RNF145: variants seen among roughly 807,000 people sequenced by gnomAD.
The protein encoded by RNF145 is ring finger protein 145.
Under a neutral mutation model 57.3 loss-of-function variants are expected in RNF145, and 12 were observed. The observed-to-expected ratio is 0.21, with a 90% CI of 0.13 to 0.34. The LOEUF (loss-of-function observed/expected upper bound fraction) is 0.34. Ranked by LOEUF, RNF145 falls within the 10% of genes least tolerant of loss-of-function variation. The pLI is 1.00. For missense variants in RNF145, 429 were observed against 799.0 expected (o/e 0.54, Z 5.58); for synonymous variants, 262 against 288.3 (o/e 0.91, Z 0.92).
intron 4 of RNF145, 118 bp downstream of exon 4, chr5:159,181,842 G>C: frequency 1.6e-6 from 1 of 611,298 alleles, no homozygotes; most frequent in East Asian, 2.7e-5. Context: ...TGTGGGAAAA[G>C]TCCCCATGAA....
At position 159,192,978 on chromosome 5, in the gene RNF145, C is replaced by A. The variant is rs182630732; in HGVS notation, c.293+1738G>T. On this transcript the variant is annotated intron_variant, in intron 3 of 10. Coordinates refer to ENST00000424310, the MANE Select transcript of RNF145 (RefSeq NM_001199383.2). ...AAAGTGTCTCCATCCTCAGCCTGAG[C>A]TGAGACTCAGAGGTATCGGGGTAAG... Among the ~76,000 whole-genome samples the A allele has an allele frequency of 1.6e-3, 244 of 152,300 alleles. 2 individuals are homozygous for A. Among genetic ancestry groups the A allele is most frequent in the South Asian group, 2.1e-4 (1 of 4,828 alleles).
chr5:159,182,339 A>C (rs1470551944), intron 3 of RNF145, among the ~76,000 whole-genome samples: 2 of 152,022 alleles, frequency 1.3e-5, no homozygotes, highest in African/African-American at 4.8e-5. Context: ...CCCAGTAAAA[A>C]CCCAATTGAG....
chr5:159,209,362 G>A lies in RNF145; in HGVS notation c.-171C>T, dbSNP rs1786023456. 13 of 985,898 alleles carry A rather than the reference G, an allele frequency of 1.3e-5. No individual in the cohort carries two copies. Among genetic ancestry groups the A allele is most frequent in the Non-Finnish European group, 1.6e-5 (13 of 829,978 alleles). The allele number at this position is 985,898 out of a possible 1,614,324, so 61.1% of individuals were successfully genotyped here. The stretch of plus-strand genomic sequence containing the variant: ...GGCCGGTACGGCACGGCTCACAGCG[G>A]CGGCTCTTCTGCGCCGAGCCTCGGA... On this transcript the variant is annotated 5_prime_UTR_variant, in exon 1 of 11. Coordinates refer to ENST00000424310, the MANE Select transcript of RNF145 (RefSeq NM_001199383.2).
intron 1 of RNF145, among the ~76,000 whole-genome samples, chr5:159,204,387 G>C (rs1333339759): frequency 2.8e-5 from 3 of 105,850 alleles, no homozygotes; most frequent in South Asian, 3.3e-4. Context: ...GATAAGTAGT[G>C]GGGGGGGGCA....
intron 3 of RNF145, among the ~76,000 whole-genome samples, chr5:159,186,129 G>A (rs1468109980): frequency 6.6e-6 from 1 of 152,110 alleles, no homozygotes; most frequent in African/African-American, 2.4e-5. Flanking sequence ...GGAGGCTGAG[G>A]CGGGAGAATT....
chr5:159,181,862 A>G (rs1193841041), intron 4 of RNF145, 98 bp downstream of exon 4: 3 of 706,774 alleles, frequency 4.2e-6, no homozygotes, highest in Non-Finnish European at 7.4e-6. Flanking sequence ...ATCACTTTTG[A>G]GAATTCCGTT....
rs59997682 is a variant in RNF145, at chr5:159,161,625, GAAAAAA to G, written c.1270-9_1270-4del. Reference sequence around the variant, plus strand: ...TAAATAAAAAGTGTTCCCAGAACCTGAAAAAAAAAAAAAAATGTACGTATCTTGAAA... The same window carrying G: ...TAAATAAAAAGTGTTCCCAGAACCTGAAAAAAAAATGTACGTATCTTGAAA... On this transcript the variant is annotated splice_polypyrimidine_tract_variant and splice_region_variant and intron_variant, in intron 9 of 10. Coordinates refer to ENST00000424310, the MANE Select transcript of RNF145 (RefSeq NM_001199383.2). 1,316 of 1,307,536 alleles carry G rather than the reference GAAAAAA, an allele frequency of 1.0e-3. 3 individuals carry two copies. Among genetic ancestry groups the G allele is most frequent in the African/African-American group, 5.6e-3 (375 of 66,994 alleles). 81.0% of individuals were successfully genotyped at this position (1,307,536 alleles called of 1,614,324 possible). A position where few individuals can be genotyped will look rare whatever the true frequency, so the allele number is the denominator to read the frequency against.
intron 1 of RNF145, 105 bp from the exon 2 acceptor site, chr5:159,203,761 T>C: frequency 1.5e-6 from 1 of 676,178 alleles, no homozygotes; most frequent in African/African-American, 1.8e-5. Context: ...TACAAAACTA[T>C]GTGAGAACGT....
At chr5:159,207,866 A>G (rs539743345) in intron 1 of RNF145, 3 of 1,614,162 alleles carry the variant, frequency 1.9e-6, no homozygotes, top group African/African-American at 2.7e-5. Flanking sequence ...TAAGGAACAG[A>G]GAGAGGAAAT....
chr5:159,191,410 A>T lies in RNF145; in HGVS notation c.293+3306T>A, dbSNP rs909690830. On this transcript the variant is annotated intron_variant, in intron 3 of 10. Coordinates refer to ENST00000424310, the MANE Select transcript of RNF145 (RefSeq NM_001199383.2). ...GCCTACTTCCTTTTTTTCATCTGTA[A>T]ATCCCAAAGGAACATAAAAAAAATC... Among the ~76,000 whole-genome samples, 7 of 152,118 alleles carry T rather than the reference A, an allele frequency of 4.6e-5. 1 individual carries two copies. Among genetic ancestry groups the T allele is most frequent in the Admixed American group, 2.6e-4 (4 of 15,272 alleles).
rs763391123 is a variant in RNF145, at chr5:159,161,430, T to A, written c.1462A>T (p.Met488Leu). ...TAGTAGGAATGAATGAAGATGATCATTGAGCCCATCACTGTCCATTCTCCA... is the reference window on the plus strand; with the variant it reads ...TAGTAGGAATGAATGAAGATGATCAATGAGCCCATCACTGTCCATTCTCCA... ...IFGEWTVMGS[M>L]IIFIHSYYNV... The change falls in exon 10 of 11, where the codon ATG becomes TTG. Residue 488 changes from methionine (M) to leucine (L), a missense_variant. This residue lies in a region of RNF145 where 216 missense variants were observed against 457.6 expected (regional missense o/e 0.47). Transcript: ENST00000424310. 3 of 1,614,086 alleles carry A rather than the reference T, an allele frequency of 1.9e-6. No homozygotes were observed. The highest frequency in any genetic ancestry group is 2.5e-6 in the Non-Finnish European group (3 of 1,180,032).
chr5:159,178,607 A>T (rs1198997045), intron 4 of RNF145, among the ~76,000 whole-genome samples: 1 of 152,044 alleles, frequency 6.6e-6, no homozygotes, highest in Non-Finnish European at 1.5e-5. Context: ...CTATCCATAT[A>T]CATGTTGAAT....
At position 159,209,513 on chromosome 5, in the gene RNF145, A is replaced by G. The variant is rs1287871176; in HGVS notation, c.-322T>C. 5 of 88,800 alleles carry G rather than the reference A, an allele frequency of 5.6e-5. No homozygotes were observed. Among genetic ancestry groups the G allele is most frequent in the South Asian group, 4.7e-4 (1 of 2,144 alleles). The allele number at this position is 88,800 out of a possible 1,614,324, so 5.5% of individuals were successfully genotyped here. On this transcript the variant is annotated 5_prime_UTR_variant, in exon 1 of 11. An upstream start codon of the reference 5' UTR is lost. Transcript: ENST00000424310. ...GCAGCCGGCGCCGGCGTCGGCGGCCATGGCCTCCTGCGTTTGCTCCTCCCG... is the reference window on the plus strand; with the variant it reads ...GCAGCCGGCGCCGGCGTCGGCGGCCGTGGCCTCCTGCGTTTGCTCCTCCCG...
chr5:159,161,133 TTC>T, intron 10 of RNF145, 131 bp downstream of exon 10: 1 of 596,466 alleles, frequency 1.7e-6, no homozygotes, highest in South Asian at 2.6e-5. Context: ...TTAATATAAT[TTC>T]TGAGGTCCAT....
Position 159,193,890 on chromosome 5 carries a change from TTC to T in RNF145, c.293+824_293+825del, listed in dbSNP as rs200074928. ...ATATATTTTAATATGGTAAATGCCT[TTC>T]TATCAAAAATCATAAAATTTAAGTT... is the stretch of plus-strand genomic sequence containing the variant. On this transcript the variant is annotated intron_variant, in intron 3 of 10. Transcript: ENST00000424310. 8.5e-3 allele frequency among the ~76,000 whole-genome samples: 1,290 copies of T among 152,334 alleles called. 9 individuals carry two copies. The highest frequency in any genetic ancestry group is 0.014 in the Non-Finnish European group (934 of 68,026).
At chr5:159,187,338 A>G (rs1323201365) in intron 3 of RNF145, among the ~76,000 whole-genome samples, 1 of 150,224 alleles carries the variant, frequency 6.7e-6, no homozygotes, top group Admixed American at 6.6e-5. Flanking sequence ...AAGAAAAAAA[A>G]TTTTTTTTTG....
rs1461434314 is a variant in RNF145, at chr5:159,161,413, A to G, written c.1479T>C (p.His493=). The part of the protein sequence containing the change: ...TVMGSMIIFI[H]SYYNVWLRAQ... ...CCCGAAGCCACACGTTATAGTAGGA[A>G]TGAATGAAGATGATCATTGAGCCCA... Residue 493 remains histidine, a synonymous_variant, in exon 10 of 11, where the codon CAT becomes CAC. Transcript: ENST00000424310. The G allele has an allele frequency of 6.2e-7, 1 of 1,614,244 alleles. No homozygotes were observed. The highest frequency in any genetic ancestry group is 8.5e-7 in the Non-Finnish European group (1 of 1,180,038).
intron 8 of RNF145, among the ~76,000 whole-genome samples, chr5:159,167,374 T>C (rs1784422251): frequency 6.6e-6 from 1 of 152,190 alleles, no homozygotes; most frequent in Non-Finnish European, 1.5e-5. Flanking sequence ...CTCAGTTTGC[T>C]CCTTTTTCTC....
chr5:159,204,300 C>T (rs2113245707), intron 1 of RNF145, among the ~76,000 whole-genome samples: 1 of 152,146 alleles, frequency 6.6e-6, no homozygotes, highest in East Asian at 1.9e-4. Flanking sequence ...TCAAATTCTT[C>T]CCTTGATACA....
Sources: gnomAD v4.1 joint callset for allele counts (sites outside exome capture counted in the v4.1 genomes callset) on GRCh38, gnomAD v4.1.1 for gene constraint, gnomAD v4.1.1 regional missense constraint, MANE v1.5 for transcripts, NCBI Gene and HGNC (gene_info 2026-07-23, HGNC 2026-07-21) for gene names.